The following BRF1 variants were observed in gnomAD, a reference collection of about 807,000 sequenced individuals.
BRF1 encodes transcription factor IIIB 90 kDa subunit.
In BRF1, 59 loss-of-function variants were observed where a neutral mutation model predicts 81.7. The ratio of observed to expected loss-of-function variants is 0.72; its 90% CI spans 0.59 to 0.90. BRF1 has a LOEUF of 0.90. Among genes scored for constraint, BRF1 ranks in the 40% least tolerant of loss-of-function variants. The pLI is 0.00. For missense variants in BRF1, 1,050 were observed against 936.3 expected, an observed-to-expected ratio of 1.12 and a Z score of -1.58; for synonymous variants, 491 against 395.6, an observed-to-expected ratio of 1.24 and a Z score of -2.86.
chr14:105,217,056 C>A (rs587756362), intron 15 of BRF1, among the ~76,000 whole-genome samples: 1 of 152,330 alleles, frequency 6.6e-6, no homozygotes, highest in South Asian at 2.1e-4. Flanking sequence ...GCCTCGTGAC[C>A]CTGTGCGCTG....
At chr14:105,218,433 C>T (rs1014537214) in intron 14 of BRF1, among the ~76,000 whole-genome samples, 1 of 152,164 alleles carries the variant, frequency 6.6e-6, no homozygotes, top group Non-Finnish European at 1.5e-5. Flanking sequence ...TCCTGCTGAG[C>T]GGGTAGGCCC....
chr14:105,247,461 G>A (rs2055197785), intron 5 of BRF1: 1 of 985,286 alleles, frequency 1.0e-6, no homozygotes, highest in African/African-American at 1.7e-5. Flanking sequence ...AAAAAACTGG[G>A]TTGTCAGCCT....
rs1394435114 is a variant in BRF1 at position 105,300,739 on chromosome 14, C to A, written c.-110G>T. 21 of 850,994 alleles carry A rather than the reference C, an allele frequency of 2.5e-5. No individual in the cohort carries two copies. The highest frequency in any genetic ancestry group is 2.9e-5 in the Non-Finnish European group (19 of 652,318). The allele number at this position is 850,994 out of a possible 1,614,324, so 52.7% of individuals were successfully genotyped here. On this transcript the variant is annotated 5_prime_UTR_variant, in exon 1 of 18. Coordinates refer to ENST00000547530, the MANE Select transcript of BRF1 (RefSeq NM_001519.4). ...AGGCCCAGCCGCCCAGGCCTCGCCG[C>A]TCTCGCGAGGCCCCGCTCCAGCCGA...
At chr14:105,249,996 A>G (rs1456002612) in intron 5 of BRF1, 1 of 1,612,788 alleles carries the variant, frequency 6.2e-7, no homozygotes, top group South Asian at 1.1e-5. Context: ...GCGGAGTGCA[A>G]GAGGCAGGGG....
Position 105,271,849 on chromosome 14 carries a change from C to A in BRF1, c.439+872G>T, listed in dbSNP as rs934925107. Among the ~76,000 whole-genome samples the A allele has an allele frequency of 6.6e-6, 1 of 150,894 alleles. No homozygotes were observed. The highest frequency in any genetic ancestry group is 6.6e-5 in the Admixed American group (1 of 15,154). ...GCTGAGGGTCGGCAGCCTCCCCGCC[C>A]ACCGCCTGCAGTCACGGTGTCCACG... is the stretch of plus-strand genomic sequence containing the variant. On this transcript the variant is annotated intron_variant, in intron 3 of 17. Transcript: ENST00000547530. The surrounding 1 kb of genome is among the most constrained non-coding windows in gnomAD (Gnocchi z 5.5).
At chr14:105,311,611 T>A (rs963468482) in intron 1 of BRF1, among the ~76,000 whole-genome samples, 2 of 152,076 alleles carry the variant, frequency 1.3e-5, no homozygotes, top group Non-Finnish European at 2.9e-5. Context: ...TTCTATCAGG[T>A]TCTATCATGG....
intron 6 of BRF1, 41 bp from the exon 7 acceptor site, chr14:105,228,954 A>T (rs759796994): frequency 5.1e-6 from 8 of 1,584,020 alleles, no homozygotes; most frequent in South Asian, 4.4e-5. Context: ...CACGGCTGGG[A>T]ACCAGGGCAA....
chr14:105,228,637 G>T (rs969544950), intron 7 of BRF1, among the ~76,000 whole-genome samples, 183 bp downstream of exon 7: 1 of 152,132 alleles, frequency 6.6e-6, no homozygotes, highest in Non-Finnish European at 1.5e-5. Flanking sequence ...TCTCTGGAGG[G>T]AGGCGAGGCA....
At chr14:105,263,741 C>T (rs777097533) in intron 3 of BRF1, among the ~76,000 whole-genome samples, 41 of 152,080 alleles carry the variant, frequency 2.7e-4, no homozygotes, top group African/African-American at 7.0e-4. Context: ...CTGGCTAACA[C>T]GGCGAAACCC....
intron 15 of BRF1, among the ~76,000 whole-genome samples, chr14:105,216,690 G>A (rs587740347): frequency 2.6e-5 from 4 of 152,322 alleles, no homozygotes; most frequent in South Asian, 2.1e-4. Context: ...CGCAAATACC[G>A]CAAACAACAG....
At chr14:105,247,711 C>G in intron 5 of BRF1, 1 of 985,460 alleles carries the variant, frequency 1.0e-6, no homozygotes, top group Non-Finnish European at 1.2e-6. Context: ...AAGTCTAAAG[C>G]CTGGCGGTCC....
chr14:105,261,454 C>T (rs1233411019), intron 3 of BRF1, among the ~76,000 whole-genome samples: 1 of 152,208 alleles, frequency 6.6e-6, no homozygotes, highest in Non-Finnish European at 1.5e-5. Flanking sequence ...AGCGAGGGGC[C>T]ACTCCACTGT....
rs371981699 is a variant in BRF1 at position 105,217,692 on chromosome 14, C to T, written c.1624G>A (p.Val542Met). 48 of 1,613,310 alleles carry T rather than the reference C, an allele frequency of 3.0e-5. No individual in the cohort carries two copies. The highest frequency in any genetic ancestry group is 5.3e-5 in the African/African-American group (4 of 74,948). The change falls in exon 15 of 18, where the codon GTG becomes ATG. Residue 542 changes from valine to methionine, a missense_variant. By Grantham distance (21) the Val-to-Met change is conservative. This residue lies in a region of BRF1 where 1,043 missense variants were observed against 915.4 expected (regional missense o/e 1.14). Transcript: ENST00000547530. Reference protein sequence around the residue: ...KKISSKINYSVLRGLSSAGGG... With the variant: ...KKISSKINYSMLRGLSSAGGG... The stretch of plus-strand genomic sequence containing the variant: ...CCGGCGCTGCTGAGGCCCCGGAGCA[C>T]GCTATAATTGATCTTGCTGGAGATC...
rs1282996788 is a variant in BRF1, at chr14:105,284,535, T to C, written c.265+1761A>G. On this transcript the variant is annotated intron_variant, in intron 2 of 17. Transcript: ENST00000547530. This position sits in a 1 kb window ranked among gnomAD's most constrained non-coding sequence, Gnocchi z 4.0. ...TGCTGTCCACAAGAGATGTTCTACC[T>C]GTCCCGACCACCTTCCAGCATCCAC... is the stretch of plus-strand genomic sequence containing the variant. Among the ~76,000 whole-genome samples the C allele has an allele frequency of 6.6e-6, 1 of 152,082 alleles. No individual in the cohort carries two copies. Among genetic ancestry groups the C allele is most frequent in the African/African-American group, 2.4e-5 (1 of 41,420 alleles).
chr14:105,218,948 G>A (rs762093316), intron 14 of BRF1, 50 bp downstream of exon 14: 88 of 1,611,274 alleles, frequency 5.5e-5, no homozygotes, highest in Admixed American at 6.7e-5. Flanking sequence ...TTTGCCCCCC[G>A]TAACCTGGAC....
chr14:105,298,804 G>A (rs183063532), intron 1 of BRF1, among the ~76,000 whole-genome samples: 11 of 151,492 alleles, frequency 7.3e-5, no homozygotes, highest in East Asian at 1.9e-4. Context: ...GCAGTGAAAC[G>A]AGATTGTGCC....
At chr14:105,241,460 C>T (rs889751124) in intron 5 of BRF1, 46 bp from the exon 6 acceptor site, 65 of 1,604,160 alleles carry the variant, frequency 4.1e-5, no homozygotes, top group Non-Finnish European at 5.3e-5. Flanking sequence ...TGTGCCATGG[C>T]ACGTGCACAG....
At chr14:105,218,593 G>A (rs1459707112) in intron 14 of BRF1, among the ~76,000 whole-genome samples, 1 of 152,248 alleles carries the variant, frequency 6.6e-6, no homozygotes, top group Non-Finnish European at 1.5e-5. Context: ...CATTCCGCCA[G>A]AGAGTAAGCT....
chr14:105,287,349 C>T (rs1470093878), intron 1 of BRF1, among the ~76,000 whole-genome samples: 1 of 152,220 alleles, frequency 6.6e-6, no homozygotes, highest in African/African-American at 2.4e-5. Context: ...GCGGCCTGAT[C>T]TTCCAACGAG....
Sources: gnomAD v4.1 joint callset for allele counts (sites outside exome capture counted in the v4.1 genomes callset) on GRCh38, gnomAD v4.1.1 for gene constraint, gnomAD v4.1.1 regional missense constraint, Gnocchi (gnomAD v3.1) non-coding constraint, MANE v1.5 for transcripts, NCBI Gene and HGNC (gene_info 2026-07-23, HGNC 2026-07-21) for gene names.